Variants in GDPD5 observed in about 807,000 individuals in gnomAD.
The protein encoded by GDPD5 is glycerophosphodiester phosphodiesterase domain containing 5.
A neutral mutation model predicts 75.1 loss-of-function variants in GDPD5; 48 were observed. That is an observed-to-expected ratio of 0.64 (90% CI 0.51 to 0.81). The LOEUF is 0.81. GDPD5 is among the 40% of genes least tolerant of loss of function. GDPD5 has a pLI of 0.00. For synonymous variants in GDPD5, 336 were observed against 339.0 expected, an observed-to-expected ratio of 0.99 and a Z score of 0.10; for missense variants, 706 against 822.6, an observed-to-expected ratio of 0.86 and a Z score of 1.73.
rs779575055 is a variant in GDPD5, at chr11:75,477,647, T to C, written c.89A>G (p.Tyr30Cys). 11 of 1,598,814 alleles carry C rather than the reference T, an allele frequency of 6.9e-6. No individual in the cohort carries two copies. Among genetic ancestry groups the C allele is most frequent in the Non-Finnish European group, 9.4e-6 (11 of 1,168,790 alleles). ...TGTGGTATCATCATGGGAGCGCTGGTAGCGCTTCCAACGGCAGCCGTAGAT... is the reference window on the plus strand; with the variant it reads ...TGTGGTATCATCATGGGAGCGCTGGCAGCGCTTCCAACGGCAGCCGTAGAT... ...TGIYGCRWKR[Y>C]QRSHDDTTPW... Residue 30 changes from tyrosine to cysteine, a missense_variant, in exon 3 of 17, where the codon TAC becomes TGC. By Grantham distance (194) the Tyr-to-Cys change is radical. Coordinates refer to ENST00000336898, the MANE Select transcript of GDPD5 (RefSeq NM_030792.8).
At chr11:75,470,168 G>A (rs193053061) in intron 3 of GDPD5, among the ~76,000 whole-genome samples, 1 of 152,326 alleles carries the variant, frequency 6.6e-6, no homozygotes, top group African/African-American at 2.4e-5. Flanking sequence ...AACAAGGTTG[G>A]GAAACCTCAA....
At chr11:75,457,973 A>G (rs943994731) in intron 4 of GDPD5, among the ~76,000 whole-genome samples, 187 bp from the exon 5 acceptor site, 11 of 152,210 alleles carry the variant, frequency 7.2e-5, no homozygotes, top group African/African-American at 2.7e-4. Context: ...CCACCCGGGG[A>G]CCAAGAAATG....
At chr11:75,464,718 T>C (rs1201195380) in intron 3 of GDPD5, among the ~76,000 whole-genome samples, 1 of 152,050 alleles carries the variant, frequency 6.6e-6, no homozygotes, top group East Asian at 1.9e-4. Context: ...TCTCAGAGAG[T>C]AGGCCACTTG....
intron 3 of GDPD5, among the ~76,000 whole-genome samples, chr11:75,464,861 C>T (rs1320672671): frequency 1.3e-5 from 2 of 152,040 alleles, no homozygotes; most frequent in Admixed American, 6.5e-5. Flanking sequence ...CAATCGAACC[C>T]TAGGAGCTGC....
At chr11:75,445,151 G>C (rs1007891460) in intron 9 of GDPD5, among the ~76,000 whole-genome samples, 1 of 152,130 alleles carries the variant, frequency 6.6e-6, no homozygotes, top group Non-Finnish European at 1.5e-5. Context: ...ACATGATCCT[G>C]GTTCTAGCAT....
rs747837324 is a variant in GDPD5, at chr11:75,439,889, C to A, written c.1546G>T (p.Val516Leu). The A allele has an allele frequency of 6.2e-7, 1 of 1,613,668 alleles. No homozygotes were observed. Among genetic ancestry groups the A allele is most frequent in the South Asian group, 1.1e-5 (1 of 91,044 alleles). ...TCAGATCCTACTCACTTCTGGAGCA[C>A]GAAGATGCCCACGATGAGGGTGAAG... Reference protein sequence around the residue: ...VSFTLIVGIFVLQKWRLGGIR... With the variant: ...VSFTLIVGIFLLQKWRLGGIR... Residue 516 changes from valine to leucine, a missense_variant, in exon 15 of 17, where the codon GTG (valine) becomes TTG (leucine). Coordinates refer to ENST00000336898, the MANE Select transcript of GDPD5 (RefSeq NM_030792.8).
At chr11:75,481,703 G>A (rs1363179524) in intron 2 of GDPD5, among the ~76,000 whole-genome samples, 3 of 152,052 alleles carry the variant, frequency 2.0e-5, no homozygotes, top group Non-Finnish European at 2.9e-5. Context: ...CCACAGCCAG[G>A]GGAGCCAGAT....
At chr11:75,445,853 A>C (rs1318371679) in intron 9 of GDPD5, among the ~76,000 whole-genome samples, 1 of 152,220 alleles carries the variant, frequency 6.6e-6, no homozygotes, top group African/African-American at 2.4e-5. Flanking sequence ...AAATGGGCTA[A>C]CATTATCAAC....
intron 1 of GDPD5, among the ~76,000 whole-genome samples, chr11:75,515,383 C>T (rs1191109910): frequency 6.6e-6 from 1 of 152,256 alleles, no homozygotes; most frequent in African/African-American, 2.4e-5. Context: ...CTCCTGCTCC[C>T]TGCCTGGCAA....
intron 1 of GDPD5, among the ~76,000 whole-genome samples, chr11:75,519,559 T>C (rs937561160): frequency 1.1e-4 from 17 of 152,340 alleles, no homozygotes; most frequent in African/African-American, 3.6e-4. Context: ...GAGTGCTCAT[T>C]ATGTGCTGGG....
chr11:75,504,327 A>G (rs1950351830), intron 1 of GDPD5, among the ~76,000 whole-genome samples: 1 of 152,234 alleles, frequency 6.6e-6, no homozygotes, highest in Admixed American at 6.5e-5. Flanking sequence ...CCTTAGATTC[A>G]GCTAAAGGAG....
At chr11:75,481,350 C>T (rs936529959) in intron 2 of GDPD5, among the ~76,000 whole-genome samples, 3 of 152,236 alleles carry the variant, frequency 2.0e-5, no homozygotes, top group Admixed American at 1.3e-4. Flanking sequence ...GCGGAGATTA[C>T]AGCCTGCAGT....
intron 3 of GDPD5, among the ~76,000 whole-genome samples, chr11:75,472,632 T>C (rs576973002): frequency 6.6e-6 from 1 of 152,124 alleles, no homozygotes; most frequent in East Asian, 1.9e-4. Flanking sequence ...GACAGCTCAT[T>C]AGGGGTCCGG....
intron 3 of GDPD5, among the ~76,000 whole-genome samples, chr11:75,471,931 T>C (rs901079703): frequency 3.9e-5 from 6 of 152,130 alleles, no homozygotes; most frequent in East Asian, 1.9e-4. Context: ...CTTATCCTTA[T>C]AGGAATCCTG....
At chr11:75,480,548 C>A (rs1407588948) in intron 2 of GDPD5, among the ~76,000 whole-genome samples, 1 of 152,076 alleles carries the variant, frequency 6.6e-6, no homozygotes, top group Admixed American at 6.6e-5. Context: ...TGAGGAACTG[C>A]CAAACTTTTC....
chr11:75,500,294 C>G (rs576916800), intron 1 of GDPD5, among the ~76,000 whole-genome samples: 3 of 152,266 alleles, frequency 2.0e-5, no homozygotes, highest in African/African-American at 7.2e-5. Flanking sequence ...TTCTCTCCTC[C>G]CTTCTCATCC....
chr11:75,513,940 C>T (rs965514674), intron 1 of GDPD5, among the ~76,000 whole-genome samples: 5 of 152,212 alleles, frequency 3.3e-5, no homozygotes, highest in Non-Finnish European at 7.3e-5. Flanking sequence ...CACTTCCCAC[C>T]GACAGGCTGT....
At position 75,449,067 on chromosome 11, in the gene GDPD5, CAG is replaced by C; in HGVS notation, c.622_623del (p.Leu208GlyfsTer54). On this transcript the variant is annotated frameshift_variant, in exon 9 of 17. Transcript: ENST00000336898. LOFTEE classifies it high-confidence loss of function. ...TFFTVVFALY[L>X]APLTISSPCI... is the part of the protein sequence containing the mutation. ...AGGGAGAGGAGATGGTGAGAGGGGC[CAG>C]GTAGAGGGCAAACACCACGGTGAAG... The C allele has an allele frequency of 6.2e-7, 1 of 1,608,592 alleles. No individual in the cohort carries two copies. The highest frequency in any genetic ancestry group is 8.5e-7 in the Non-Finnish European group (1 of 1,178,172).
intron 3 of GDPD5, among the ~76,000 whole-genome samples, chr11:75,473,991 C>A (rs1308426366): frequency 6.6e-6 from 1 of 152,130 alleles, no homozygotes; most frequent in African/African-American, 2.4e-5. Flanking sequence ...ACTTATGACC[C>A]CAGAGCAGGT....
Sources: allele counts gnomAD v4.1 joint callset (sites outside exome capture counted in the v4.1 genomes callset), GRCh38; gene constraint gnomAD v4.1.1; transcripts MANE v1.5; gene names NCBI Gene and HGNC (gene_info 2026-07-23, HGNC 2026-07-21).